Variants in NTN1 observed in about 807,000 individuals in gnomAD.
NTN1 encodes the protein netrin-1.
Under a neutral mutation model 54.2 loss-of-function variants are expected in NTN1, and 11 were observed. That is an observed-to-expected ratio of 0.20 (90% CI 0.13 to 0.34). NTN1 has a LOEUF of 0.34. NTN1 is among the 10% of genes least tolerant of loss of function. The probability of loss-of-function intolerance (pLI) is 1.00; values close to 1 mark genes in which losing one functional copy is unlikely to be tolerated. For missense variants in NTN1, 740 were observed against 893.1 expected, an observed-to-expected ratio of 0.83 and a Z score of 2.18; for synonymous variants, 371 against 382.0, an observed-to-expected ratio of 0.97 and a Z score of 0.33.
At chr17:9,042,796 A>G (rs1352469820) in intron 2 of NTN1, among the ~76,000 whole-genome samples, 1 of 152,138 alleles carries the variant, frequency 6.6e-6, no homozygotes, top group Non-Finnish European at 1.5e-5. Context: ...CAAAAAAAAA[A>G]AAAAAGTGAG....
intron 2 of NTN1, among the ~76,000 whole-genome samples, chr17:9,146,609 GGGGGTCTTTAGACACACCC>G (rs1167420159): frequency 7.6e-5 from 10 of 131,268 alleles, no homozygotes; most frequent in African/African-American, 4.0e-4. Flanking sequence ...GACACACCCT[GGGGGTCTTTAGACACACCC>G]TGGGGCTCCT....
In NTN1 at chr17:9,239,969, C is replaced by T. The variant is rs1474699997; in HGVS notation, c.*1C>T. ...GAAGGGCAAGTGCAAGAAGGCCTAG[C>T]GCCGAGGCAGCGGGCGGGCGGGCGG... On this transcript the variant is annotated 3_prime_UTR_variant, in exon 7 of 7. Coordinates refer to ENST00000173229, the MANE Select transcript of NTN1 (RefSeq NM_004822.3). The surrounding 1 kb of genome is among the most constrained non-coding windows in gnomAD (Gnocchi z 5.2). 9.1e-5 allele frequency: 37 copies of T among 405,460 alleles called. No individual in the cohort carries two copies. Among genetic ancestry groups the T allele is most frequent in the Non-Finnish European group, 1.1e-4 (31 of 279,224 alleles). The allele number at this position is 405,460 out of a possible 1,614,324, so 25.1% of individuals were successfully genotyped here.
intron 3 of NTN1, among the ~76,000 whole-genome samples, chr17:9,168,088 G>A (rs2092377808): frequency 6.6e-6 from 1 of 152,168 alleles, no homozygotes; most frequent in East Asian, 1.9e-4. Context: ...AGGATGGTGA[G>A]TTGCTCTTGG....
intron 3 of NTN1, among the ~76,000 whole-genome samples, chr17:9,167,989 A>G (rs941568393): frequency 2.0e-5 from 3 of 152,186 alleles, no homozygotes; most frequent in East Asian, 3.8e-4. Flanking sequence ...TAATGGGTCC[A>G]GATGCGATCT....
chr17:9,060,346 G>C lies in NTN1; in HGVS notation c.1018+36955G>C, dbSNP rs935663044. Among the ~76,000 whole-genome samples the C allele has an allele frequency of 2.6e-5, 4 of 152,278 alleles. No homozygotes were observed. In the East Asian group the frequency reaches 5.8e-4, roughly 22 times the overall value. ...TAACATGTTTTATTGTAAGAATACA[G>C]TATCTAATACATAAAACATATACAA... On this transcript the variant is annotated intron_variant, in intron 2 of 6. Transcript: ENST00000173229.
chr17:9,179,843 C>T lies in NTN1; in HGVS notation c.1244C>T (p.Thr415Ile), dbSNP rs768422332. ...CACCCTGTGGGTGCTGCTGGCAAAA[C>T]CTGCAACCAAACCACCGGCCAGTGT... is the stretch of plus-strand genomic sequence containing the variant. ...DCHPVGAAGKTCNQTTGQCPC... is the reference protein window; with the variant it reads ...DCHPVGAAGKICNQTTGQCPC... Residue 415 changes from threonine (T) to isoleucine (I), a missense_variant, in exon 4 of 7, where the codon ACC (threonine) becomes ATC (isoleucine). Physicochemically the swap from Thr to Ile is moderately conservative, Grantham distance 89 (BLOSUM62 -1). Transcript: ENST00000173229. 1.2e-6 allele frequency: 2 copies of T among 1,614,080 alleles called. No homozygotes were observed. Among genetic ancestry groups the T allele is most frequent in the Non-Finnish European group, 1.7e-6 (2 of 1,180,002 alleles).
the NTN1 span, among the ~76,000 whole-genome samples, chr17:9,005,974 G>T: frequency 6.6e-6 from 1 of 152,206 alleles, no homozygotes; most frequent in Non-Finnish European, 1.5e-5. Context: ...AGGCAAATCT[G>T]CCCACGCCAG....
At chr17:9,078,302 T>A (rs79877680) in intron 2 of NTN1, among the ~76,000 whole-genome samples, 2 of 152,066 alleles carry the variant, frequency 1.3e-5, no homozygotes, top group African/African-American at 4.8e-5. Flanking sequence ...AGCAGTTCCC[T>A]GGGTGGGGGC....
chr17:9,169,381 G>A (rs1181790767), intron 3 of NTN1, among the ~76,000 whole-genome samples: 2 of 152,256 alleles, frequency 1.3e-5, no homozygotes, highest in African/African-American at 2.4e-5. Context: ...TTTGACTGCA[G>A]TCTTTACAGA....
intron 2 of NTN1, among the ~76,000 whole-genome samples, chr17:9,150,906 G>T (rs2092325855): frequency 6.6e-6 from 1 of 152,228 alleles, no homozygotes; most frequent in Admixed American, 6.5e-5. Context: ...GAACCACAGG[G>T]CCTGGGCTGT....
chr17:9,017,405 G>GT (rs1487201640), upstream of NTN1, among the ~76,000 whole-genome samples: 1 of 152,174 alleles, frequency 6.6e-6, no homozygotes, highest in Admixed American at 6.5e-5. Flanking sequence ...CAAAGGACTT[G>GT]TTTCAGATCT....
chr17:9,007,617 T>C, the NTN1 span, among the ~76,000 whole-genome samples: 254 of 133,994 alleles, frequency 1.9e-3, no homozygotes, highest in African/African-American at 6.9e-3. Flanking sequence ...TTCCTTCTCC[T>C]TCCTTCCTTC....
chr17:9,105,660 T>TTCTCTCTCTCTC, intron 2 of NTN1, among the ~76,000 whole-genome samples: 1 of 142,100 alleles, frequency 7.0e-6, no homozygotes, highest in African/African-American at 2.5e-5. Flanking sequence ...CTCTCTCTCT[T>TTCTCTCTCTCTC]TCTCTCTCTC....
intron 2 of NTN1, among the ~76,000 whole-genome samples, chr17:9,056,613 C>T (rs2091980229): frequency 6.6e-6 from 1 of 152,162 alleles, no homozygotes; most frequent in Non-Finnish European, 1.5e-5. Context: ...GCTGGTCAGC[C>T]TCAGGTAGAG....
intron 3 of NTN1, among the ~76,000 whole-genome samples, chr17:9,170,440 C>T (rs2092384350): frequency 6.6e-6 from 1 of 152,202 alleles, no homozygotes; most frequent in African/African-American, 2.4e-5. Context: ...TGGTGGCCCT[C>T]AGGAGAACCG....
chr17:9,053,593 C>G (rs1321971993), intron 2 of NTN1, among the ~76,000 whole-genome samples: 1 of 152,212 alleles, frequency 6.6e-6, no homozygotes, highest in Non-Finnish European at 1.5e-5. Flanking sequence ...CCCTGGAGGA[C>G]AAGGATTCCG....
At chr17:9,215,800 T>G (rs1905205800) in intron 5 of NTN1, among the ~76,000 whole-genome samples, 1 of 152,214 alleles carries the variant, frequency 6.6e-6, no homozygotes, top group Non-Finnish European at 1.5e-5. Flanking sequence ...TGGATGTTGG[T>G]CCCCTTTTGT....
chr17:9,206,382 G>A (rs1159401061), intron 5 of NTN1, among the ~76,000 whole-genome samples: 1 of 152,228 alleles, frequency 6.6e-6, no homozygotes, highest in African/African-American at 2.4e-5. Context: ...GGAGAAGAGG[G>A]GTTGAGCTCC....
chr17:9,051,352 G>T (rs906364885), intron 2 of NTN1, among the ~76,000 whole-genome samples: 1 of 152,120 alleles, frequency 6.6e-6, no homozygotes, highest in Admixed American at 6.6e-5. Context: ...CTCCCCTCCC[G>T]GGATTGCTTC....
Sources: gnomAD v4.1 joint callset for allele counts (sites outside exome capture counted in the v4.1 genomes callset) on GRCh38, gnomAD v4.1.1 for gene constraint, Gnocchi (gnomAD v3.1) non-coding constraint, MANE v1.5 for transcripts, NCBI Gene and HGNC (gene_info 2026-07-23, HGNC 2026-07-21) for gene names.